Variants in SH3RF3 observed in about 807,000 individuals in gnomAD.
SH3RF3 encodes the protein E3 ubiquitin-protein ligase SH3RF3.
A neutral mutation model predicts 66.3 loss-of-function variants in SH3RF3; 29 were observed. The ratio of observed to expected loss-of-function variants is 0.44; its 90% CI spans 0.33 to 0.60. SH3RF3 has a LOEUF of 0.60. Among genes scored for constraint, SH3RF3 ranks in the 20% least tolerant of loss-of-function variants. The pLI is 0.04. For synonymous variants in SH3RF3, 583 were observed against 532.0 expected, an observed-to-expected ratio of 1.10 and a Z score of -1.32; for missense variants, 1,194 against 1,190.9, an observed-to-expected ratio of 1.00 and a Z score of -0.04.
At chr2:109,434,080 G>A (rs896475623) in intron 6 of SH3RF3, among the ~76,000 whole-genome samples, 3 of 152,340 alleles carry the variant, frequency 2.0e-5, no homozygotes, top group Non-Finnish European at 2.9e-5. Context: ...TGTGCTTGAA[G>A]CCCCTGGCCT....
intron 1 of SH3RF3, among the ~76,000 whole-genome samples, chr2:109,232,910 A>G (rs939520717): frequency 2.6e-5 from 4 of 152,186 alleles, no homozygotes; most frequent in Non-Finnish European, 2.9e-5. Flanking sequence ...TTGACAAACA[A>G]CTGCAGTTGA....
chr2:109,404,248 G>T (rs535613820), intron 4 of SH3RF3, among the ~76,000 whole-genome samples: 1 of 152,300 alleles, frequency 6.6e-6, no homozygotes, highest in African/African-American at 2.4e-5. Context: ...CAAGCTCTTT[G>T]CAGGAAAGGG....
At chr2:109,402,599 C>G (rs762797382) in intron 4 of SH3RF3, among the ~76,000 whole-genome samples, 20 of 152,266 alleles carry the variant, frequency 1.3e-4, no homozygotes, top group Non-Finnish European at 2.6e-4. Flanking sequence ...AGCCAGTCCC[C>G]TGCCTCTCAC....
chr2:109,225,443 A>G (rs1027490639), intron 1 of SH3RF3, among the ~76,000 whole-genome samples: 2 of 151,748 alleles, frequency 1.3e-5, no homozygotes, highest in African/African-American at 2.4e-5. Context: ...CACACAAACA[A>G]CTCCCTTTAA....
chr2:109,343,010 AT>A (rs1682592439), intron 1 of SH3RF3, among the ~76,000 whole-genome samples: 1 of 152,146 alleles, frequency 6.6e-6, no homozygotes, highest in South Asian at 2.1e-4. Flanking sequence ...TTTGAATGGA[AT>A]TCCTCTGAAG....
intron 1 of SH3RF3, among the ~76,000 whole-genome samples, chr2:109,176,881 C>G (rs905685106): frequency 1.3e-5 from 2 of 152,108 alleles, no homozygotes; most frequent in Admixed American, 1.3e-4. Context: ...GGAGAAAGAT[C>G]ACTAGCTGAA....
chr2:109,333,870 TATA>T (rs1191402351), intron 1 of SH3RF3, among the ~76,000 whole-genome samples: 2 of 152,188 alleles, frequency 1.3e-5, no homozygotes, highest in Non-Finnish European at 2.9e-5. Context: ...ATTATGATGA[TATA>T]ATAATGATAT....
intron 1 of SH3RF3, among the ~76,000 whole-genome samples, chr2:109,233,101 G>A (rs916756590): frequency 6.6e-6 from 1 of 152,222 alleles, no homozygotes; most frequent in African/African-American, 2.4e-5. Context: ...GTGGCGAGGG[G>A]TGTGTTACAA....
At chr2:109,429,535 G>A (rs953249006) in intron 5 of SH3RF3, among the ~76,000 whole-genome samples, 2 of 152,094 alleles carry the variant, frequency 1.3e-5, no homozygotes, top group Non-Finnish European at 2.9e-5. Context: ...TGGCCACACC[G>A]GGCCTGTGCT....
intron 1 of SH3RF3, among the ~76,000 whole-genome samples, chr2:109,333,917 T>C (rs1682344132): frequency 6.6e-6 from 1 of 152,236 alleles, no homozygotes. Context: ...AAGGTTGCTA[T>C]GAAGTTCAGA....
At chr2:109,369,782 C>A (rs941913915) in intron 2 of SH3RF3, among the ~76,000 whole-genome samples, 4 of 152,190 alleles carry the variant, frequency 2.6e-5, no homozygotes, top group Admixed American at 2.0e-4. Context: ...GGACACCAAA[C>A]CCTACGGCCC....
At chr2:109,393,309 C>T (rs534796706) in intron 3 of SH3RF3, among the ~76,000 whole-genome samples, 51 of 152,322 alleles carry the variant, frequency 3.3e-4, no homozygotes, top group African/African-American at 1.1e-3. Flanking sequence ...ATTGGGAAGC[C>T]GAGCTTGCAA....
chr2:109,392,677 C>G (rs1676034692), intron 3 of SH3RF3, among the ~76,000 whole-genome samples: 1 of 152,102 alleles, frequency 6.6e-6, no homozygotes, highest in Non-Finnish European at 1.5e-5. Flanking sequence ...TGCCACCACG[C>G]CCGGCTAATT....
At chr2:109,453,947 GC>G (rs1182880054) in intron 8 of SH3RF3, among the ~76,000 whole-genome samples, 1 of 152,214 alleles carries the variant, frequency 6.6e-6, no homozygotes, top group Non-Finnish European at 1.5e-5. Flanking sequence ...GTAGCAGGCA[GC>G]CCTGGGAGGG....
intron 8 of SH3RF3, among the ~76,000 whole-genome samples, chr2:109,451,845 G>A (rs551620472): frequency 6.6e-6 from 1 of 152,374 alleles, no homozygotes; most frequent in South Asian, 2.1e-4. Flanking sequence ...GTGGGCAGCA[G>A]AAGTGCGTAG....
intron 3 of SH3RF3, among the ~76,000 whole-genome samples, chr2:109,383,289 C>T (rs1559053665): frequency 6.6e-6 from 1 of 152,230 alleles, no homozygotes; most frequent in African/African-American, 2.4e-5. Context: ...TGGAACCAAG[C>T]ACACCCATGT....
chr2:109,211,771 G>C (rs560215344), intron 1 of SH3RF3, among the ~76,000 whole-genome samples: 1 of 151,794 alleles, frequency 6.6e-6, no homozygotes, highest in Admixed American at 6.6e-5. Context: ...CAGCCTCCCT[G>C]AGTAGCTGGG....
intron 1 of SH3RF3, among the ~76,000 whole-genome samples, chr2:109,235,474 C>G (rs1679625366): frequency 6.6e-6 from 1 of 152,330 alleles, no homozygotes; most frequent in African/African-American, 2.4e-5. Context: ...CCTATTAACC[C>G]TCATGCCAGG....
chr2:109,376,610 A>C (rs1200896469), intron 3 of SH3RF3, among the ~76,000 whole-genome samples: 2 of 152,252 alleles, frequency 1.3e-5, no homozygotes, highest in Non-Finnish European at 2.9e-5. Context: ...TCGGTTGTCC[A>C]GGTAGAGTAA....
Sources: allele counts gnomAD v4.1 joint callset (sites outside exome capture counted in the v4.1 genomes callset), GRCh38; gene constraint gnomAD v4.1.1; transcripts MANE v1.5; gene names NCBI Gene and HGNC (gene_info 2026-07-23, HGNC 2026-07-21).